GALNTL6: variants seen among roughly 807,000 people sequenced by gnomAD.
GALNTL6 encodes polypeptide N-acetylgalactosaminyltransferase like 6.
GALNTL6 carries 46 observed loss-of-function variants against 73.7 expected under a neutral mutation model. That is an observed-to-expected ratio of 0.62 (90% CI 0.49 to 0.80). The LOEUF (loss-of-function observed/expected upper bound fraction) is 0.80. Ranked by LOEUF, GALNTL6 falls within the 30% of genes least tolerant of loss-of-function variation. The pLI is 0.00. For missense variants in GALNTL6, 604 were observed against 755.0 expected, an observed-to-expected ratio of 0.80 and a Z score of 2.34; for synonymous variants, 259 against 263.7, an observed-to-expected ratio of 0.98 and a Z score of 0.17.
intron 5 of GALNTL6, among the ~76,000 whole-genome samples, chr4:172,647,309 T>C (rs113240567): frequency 6.6e-5 from 10 of 152,172 alleles, no homozygotes; most frequent in African/African-American, 2.2e-4. Flanking sequence ...CAAAAGGTAA[T>C]ATGGAGGACA....
chr4:172,890,030 C>G (rs12640782), intron 8 of GALNTL6, among the ~76,000 whole-genome samples: 9,851 of 152,158 alleles, frequency 0.065, 595 homozygotes, highest in East Asian at 0.19. Flanking sequence ...GATTTTCTAG[C>G]TTGTATGCAC....
intron 7 of GALNTL6, among the ~76,000 whole-genome samples, chr4:172,840,213 T>C (rs1458681268): frequency 6.6e-6 from 1 of 152,228 alleles, no homozygotes; most frequent in Non-Finnish European, 1.5e-5. Flanking sequence ...TATCTCAAAA[T>C]GTTGAGTCAC....
chr4:173,030,750 G>C (rs183288978), intron 12 of GALNTL6, among the ~76,000 whole-genome samples: 88 of 151,624 alleles, frequency 5.8e-4, no homozygotes, highest in Non-Finnish European at 1.2e-4. Context: ...ATTTTGGGAG[G>C]CCGAGGCATT....
At chr4:172,086,672 T>C (rs1732043048) in intron 2 of GALNTL6, among the ~76,000 whole-genome samples, 1 of 152,156 alleles carries the variant, frequency 6.6e-6, no homozygotes, top group African/African-American at 2.4e-5. Flanking sequence ...CTCTGCTGTT[T>C]TTGACCTCCA....
intron 5 of GALNTL6, among the ~76,000 whole-genome samples, chr4:172,382,553 TTTC>T (rs1743321986): frequency 6.6e-6 from 1 of 152,202 alleles, no homozygotes; most frequent in East Asian, 1.9e-4. Context: ...GTGTGCATTG[TTTC>T]TTCATTTCTT....
chr4:172,216,479 C>T (rs559325289), intron 2 of GALNTL6, among the ~76,000 whole-genome samples: 2 of 151,946 alleles, frequency 1.3e-5, no homozygotes, highest in African/African-American at 4.8e-5. Flanking sequence ...TGACTTCTTT[C>T]GAGATTTTCT....
At chr4:172,783,411 T>C (rs892575816) in intron 5 of GALNTL6, among the ~76,000 whole-genome samples, 1 of 147,596 alleles carries the variant, frequency 6.8e-6, no homozygotes, top group Non-Finnish European at 1.5e-5. Context: ...TAATATTATT[T>C]ATAATAATAA....
intron 2 of GALNTL6, among the ~76,000 whole-genome samples, chr4:171,940,743 G>A (rs1239371250): frequency 2.6e-5 from 4 of 151,880 alleles, no homozygotes; most frequent in South Asian, 4.2e-4. Flanking sequence ...GTGTAAACCC[G>A]GGAGGCGGAG....
intron 2 of GALNTL6, among the ~76,000 whole-genome samples, chr4:172,220,405 G>A (rs1736634890): frequency 6.6e-6 from 1 of 151,704 alleles, no homozygotes; most frequent in African/African-American, 2.4e-5. Context: ...AATACATGTT[G>A]AGTGGGCAGC....
intron 5 of GALNTL6, among the ~76,000 whole-genome samples, chr4:172,350,742 A>T (rs1388352206): frequency 6.6e-6 from 1 of 152,146 alleles, no homozygotes; most frequent in Non-Finnish European, 1.5e-5. Context: ...AATTATATAA[A>T]CTAGGAAAGA....
At chr4:172,911,073 C>T (rs997828153) in intron 8 of GALNTL6, among the ~76,000 whole-genome samples, 1 of 152,224 alleles carries the variant, frequency 6.6e-6, no homozygotes, top group African/African-American at 2.4e-5. Flanking sequence ...TGTCAAAGAA[C>T]CTCAGTATTA....
At chr4:172,614,396 A>G (rs1315257334) in intron 5 of GALNTL6, among the ~76,000 whole-genome samples, 1 of 152,184 alleles carries the variant, frequency 6.6e-6, no homozygotes. Flanking sequence ...TTACAGATTC[A>G]CCAGTCAATT....
intron 2 of GALNTL6, among the ~76,000 whole-genome samples, chr4:171,948,688 A>G (rs928522207): frequency 2.0e-5 from 3 of 152,206 alleles, no homozygotes; most frequent in African/African-American, 7.2e-5. Context: ...TATTATATTA[A>G]CGCAATAATA....
At chr4:171,842,607 G>T (rs938982190) in intron 2 of GALNTL6, among the ~76,000 whole-genome samples, 14 of 152,146 alleles carry the variant, frequency 9.2e-5, no homozygotes, top group South Asian at 8.3e-4. Flanking sequence ...ATAGAGAATC[G>T]ACATGTCATA....
At chr4:172,245,109 A>G (rs1333660477) in intron 3 of GALNTL6, among the ~76,000 whole-genome samples, 2 of 152,196 alleles carry the variant, frequency 1.3e-5, no homozygotes, top group African/African-American at 2.4e-5. Flanking sequence ...ATTATTGAGT[A>G]CACTAAGATT....
intron 2 of GALNTL6, among the ~76,000 whole-genome samples, chr4:172,126,166 A>G (rs1321217390): frequency 1.3e-5 from 2 of 152,190 alleles, no homozygotes; most frequent in Non-Finnish European, 2.9e-5. Flanking sequence ...TATGTGAATT[A>G]ATAGACTCAA....
intron 2 of GALNTL6, among the ~76,000 whole-genome samples, chr4:172,022,139 T>C (rs781516117): frequency 2.0e-5 from 3 of 151,932 alleles, no homozygotes; most frequent in Non-Finnish European, 4.4e-5. Flanking sequence ...ATCAATAAGG[T>C]GAAGAGACAA....
At chr4:172,966,151 A>C (rs1750315219) in intron 10 of GALNTL6, among the ~76,000 whole-genome samples, 1 of 152,222 alleles carries the variant, frequency 6.6e-6, no homozygotes, top group African/African-American at 2.4e-5. Context: ...CATATGTACA[A>C]AAATTCAATA....
chr4:171,914,565 A>C (rs1418440959), intron 2 of GALNTL6, among the ~76,000 whole-genome samples: 1 of 150,822 alleles, frequency 6.6e-6, no homozygotes, highest in Non-Finnish European at 1.5e-5. Context: ...GATTATAGAC[A>C]CGGGCTACCA....
Sources: gnomAD v4.1 joint callset for allele counts (sites outside exome capture counted in the v4.1 genomes callset) on GRCh38, gnomAD v4.1.1 for gene constraint, MANE v1.5 for transcripts, NCBI Gene and HGNC (gene_info 2026-07-23, HGNC 2026-07-21) for gene names.